PLCH1: variants seen among roughly 807,000 people sequenced by gnomAD.
PLCH1 encodes the protein 1-phosphatidylinositol 4,5-bisphosphate phosphodiesterase eta-1.
Under a neutral mutation model 126.7 loss-of-function variants are expected in PLCH1, and 60 were observed. That is an observed-to-expected ratio of 0.47 (90% CI 0.38 to 0.59). The LOEUF (loss-of-function observed/expected upper bound fraction) is 0.59, where lower values mean the gene tolerates loss of function less well. PLCH1 is among the 20% of genes least tolerant of loss of function. The pLI is 0.00. For synonymous variants in PLCH1, 719 were observed against 734.9 expected (o/e 0.98, Z 0.35); for missense variants, 1,723 against 2,040.0 (o/e 0.84, Z 2.99).
chr3:155,651,705 G>A (rs1320016884), intron 2 of PLCH1, among the ~76,000 whole-genome samples: 1 of 152,082 alleles, frequency 6.6e-6, no homozygotes, highest in Non-Finnish European at 1.5e-5. Flanking sequence ...ATAGCTTTCT[G>A]TTTCAATATG....
chr3:155,671,889 G>A (rs1743492421), intron 2 of PLCH1, among the ~76,000 whole-genome samples: 1 of 152,148 alleles, frequency 6.6e-6, no homozygotes, highest in Non-Finnish European at 1.5e-5. Context: ...AGAGTTAAAA[G>A]TAATTTATTT....
chr3:155,701,075 A>G (rs1415244024), intron 2 of PLCH1, among the ~76,000 whole-genome samples: 6 of 152,240 alleles, frequency 3.9e-5, no homozygotes. Context: ...CGCTGGACAT[A>G]GTAGTCAATT....
chr3:155,586,015 A>G (rs1189016646), intron 5 of PLCH1, 50 bp downstream of exon 5: 1 of 1,544,584 alleles, frequency 6.5e-7, no homozygotes. Flanking sequence ...TAAGTATGTT[A>G]ATAACCTCTG....
At chr3:155,578,329 T>A (rs1404441186) in intron 6 of PLCH1, among the ~76,000 whole-genome samples, 2 of 152,266 alleles carry the variant, frequency 1.3e-5, no homozygotes, top group Non-Finnish European at 2.9e-5. Context: ...AGCATTTTGC[T>A]AATAACACTA....
intron 2 of PLCH1, among the ~76,000 whole-genome samples, chr3:155,696,406 C>A (rs577376392): frequency 6.6e-6 from 1 of 152,238 alleles, no homozygotes; most frequent in East Asian, 1.9e-4. Context: ...GGAAAAAAAT[C>A]TAGATCTTTT....
At chr3:155,606,297 G>A (rs1398066984) in intron 2 of PLCH1, among the ~76,000 whole-genome samples, 1 of 152,168 alleles carries the variant, frequency 6.6e-6, no homozygotes, top group Non-Finnish European at 1.5e-5. Context: ...AGGAAAAACA[G>A]AGGAGGAGAC....
chr3:155,463,396 T>C lies in PLCH1; in HGVS notation c.2938+21960A>G, dbSNP rs960160813. Among the ~76,000 whole-genome samples, 14 of 152,330 alleles carry C rather than the reference T, an allele frequency of 9.2e-5. No homozygotes were observed. The South Asian group carries it at 1.2e-3, about 14-fold the overall frequency. ...TAATAAAGATAAGTCCTTATTATCA[T>C]AACACTAACACCCAGCTGAGTACCT... On this transcript the variant is annotated intron_variant, in intron 21 of 21. Transcript: ENST00000494598.
At position 155,482,744 on chromosome 3, in the gene PLCH1, C is replaced by T. The variant is rs751021938; in HGVS notation, c.3282G>A (p.Leu1094=). 6.2e-7 allele frequency: 1 copy of T among 1,614,172 alleles called. No homozygotes were observed. The highest frequency in any genetic ancestry group is 8.5e-7 in the Non-Finnish European group (1 of 1,180,004). Reference sequence around the variant, plus strand: ...CCTTTTCCTTGATTTTCACACCATGCAGATCTTGTGTGGGGTTAACTACAG... The same window carrying T: ...CCTTTTCCTTGATTTTCACACCATGTAGATCTTGTGTGGGGTTAACTACAG... ...PDPVVNPTQD[L]HGVKIKEKGN... is the part of the protein sequence containing the mutation. Residue 1094 remains leucine (L), a synonymous_variant, in exon 23 of 23, where the codon CTG becomes CTA. Transcript: ENST00000460012.
chr3:155,466,280 A>G (rs1712928468), intron 21 of PLCH1, among the ~76,000 whole-genome samples: 1 of 152,216 alleles, frequency 6.6e-6, no homozygotes, highest in African/African-American at 2.4e-5. Context: ...GGCTTAGAAC[A>G]GAGGAGAGAG....
intron 6 of PLCH1, 41 bp downstream of exon 6, chr3:155,583,431 G>C: frequency 6.9e-7 from 1 of 1,454,346 alleles, no homozygotes; most frequent in Non-Finnish European, 9.4e-7. Flanking sequence ...TCTTTCATGA[G>C]TACTTTTAAG....
At chr3:155,523,265 C>T (rs113709495) in intron 11 of PLCH1, among the ~76,000 whole-genome samples, 3,109 of 152,220 alleles carry the variant, frequency 0.02, 58 homozygotes, top group Non-Finnish European at 0.034. Flanking sequence ...CGTGAGCCAC[C>T]GCGCCAGGCC....
At chr3:155,669,528 A>C (rs1192936583) in intron 2 of PLCH1, among the ~76,000 whole-genome samples, 1 of 152,232 alleles carries the variant, frequency 6.6e-6, no homozygotes, top group Non-Finnish European at 1.5e-5. Flanking sequence ...CAGTGAGCCA[A>C]GATTGTGCCA....
intron 15 of PLCH1, among the ~76,000 whole-genome samples, chr3:155,496,192 G>A (rs905209928): frequency 6.6e-6 from 1 of 152,134 alleles, no homozygotes; most frequent in Admixed American, 6.5e-5. Flanking sequence ...AAAAACAGCT[G>A]AAGTTCCAGA....
chr3:155,634,952 G>C (rs929074925), intron 2 of PLCH1, among the ~76,000 whole-genome samples: 1 of 152,180 alleles, frequency 6.6e-6, no homozygotes, highest in Admixed American at 6.5e-5. Flanking sequence ...TATGAAGGCT[G>C]TGGGTCTTGG....
chr3:155,626,093 G>A (rs751218198), intron 2 of PLCH1, among the ~76,000 whole-genome samples: 11 of 152,054 alleles, frequency 7.2e-5, no homozygotes, highest in Non-Finnish European at 1.2e-4. Context: ...GGATGAAGCT[G>A]GAAACCATCA....
At chr3:155,639,403 G>A (rs1312634817) in intron 2 of PLCH1, among the ~76,000 whole-genome samples, 3 of 152,180 alleles carry the variant, frequency 2.0e-5, no homozygotes, top group Non-Finnish European at 4.4e-5. Context: ...TAAGGCTGCA[G>A]TGGGGCACGT....
chr3:155,483,571 A>AT (rs1187945426), intron 22 of PLCH1, among the ~76,000 whole-genome samples: 1 of 152,240 alleles, frequency 6.6e-6, no homozygotes, highest in African/African-American at 2.4e-5. Flanking sequence ...TAGTCAATTA[A>AT]TTTCTAAAAT....
At chr3:155,620,839 G>GCAGA (rs75226213) in intron 2 of PLCH1, among the ~76,000 whole-genome samples, 28,839 of 152,030 alleles carry the variant, frequency 0.19, 3,521 homozygotes, top group African/African-American at 0.35. Context: ...CGCAGCTTCA[G>GCAGA]CAGACTTAAA....
chr3:155,706,066 C>G (rs975696436), intron 1 of PLCH1, among the ~76,000 whole-genome samples: 1 of 146,520 alleles, frequency 6.8e-6, no homozygotes, highest in Non-Finnish European at 1.5e-5. Flanking sequence ...CCCAGCTATT[C>G]GGGAGGCTAA....
Sources: gnomAD v4.1 joint callset for allele counts (sites outside exome capture counted in the v4.1 genomes callset) on GRCh38, gnomAD v4.1.1 for gene constraint, MANE v1.5 for transcripts, NCBI Gene and HGNC (gene_info 2026-07-23, HGNC 2026-07-21) for gene names.